The following FNDC3B variants were observed in gnomAD, a reference collection of about 807,000 sequenced individuals.
FNDC3B encodes fibronectin type III domain containing 3B, also known as fibronectin type III domain-containing protein 3B.
FNDC3B carries 12 observed loss-of-function variants against 151.5 expected under a neutral mutation model. The ratio of observed to expected loss-of-function variants is 0.08; its 90% confidence interval spans 0.05 to 0.13. The LOEUF is 0.13. Ranked by LOEUF, FNDC3B falls within the 10% of genes least tolerant of loss-of-function variation. FNDC3B has a pLI of 1.00. For missense variants in FNDC3B, 1,214 were observed against 1,505.3 expected, an observed-to-expected ratio of 0.81 and a Z score of 3.20; for synonymous variants, 528 against 549.0, an observed-to-expected ratio of 0.96 and a Z score of 0.54.
At chr3:172,120,538 A>T (rs1399735753) in intron 2 of FNDC3B, among the ~76,000 whole-genome samples, 2 of 151,590 alleles carry the variant, frequency 1.3e-5, no homozygotes, top group Non-Finnish European at 2.9e-5. Context: ...GGGCTTGAAA[A>T]GTAGCTTATT....
intron 7 of FNDC3B, 136 bp downstream of exon 7, chr3:172,286,120 G>A (rs1228453207): frequency 1.5e-6 from 1 of 648,758 alleles, no homozygotes; most frequent in Non-Finnish European, 2.7e-6. Flanking sequence ...CTATGAAATA[G>A]TGTTCGGTTC....
At chr3:172,225,259 G>A (rs959187626) in intron 3 of FNDC3B, among the ~76,000 whole-genome samples, 15 of 152,092 alleles carry the variant, frequency 9.9e-5, no homozygotes, top group Non-Finnish European at 2.1e-4. Flanking sequence ...CTGCAGCCTC[G>A]ACCTCCTGGG....
rs950955354 is a variant in FNDC3B at position 172,399,780 on chromosome 3, C to A, written c.*2305C>A. On this transcript the variant is annotated 3_prime_UTR_variant, in exon 26 of 26. Coordinates refer to ENST00000415807, the MANE Select transcript of FNDC3B (RefSeq NM_022763.4). ...CCCCCTCTTGGGGGGTTGGGGAAGT[C>A]TCTTTTTTGAAACACTTCAGAACTG... 3 of 152,608 alleles carry A rather than the reference C, an allele frequency of 2.0e-5. No individual in the cohort carries two copies. The highest frequency in any genetic ancestry group is 2.0e-4 in the Admixed American group (3 of 15,282). 9.5% of individuals were successfully genotyped at this position (152,608 alleles called of 1,614,324 possible). A position where few individuals can be genotyped will look rare whatever the true frequency, so the allele number is the denominator to read the frequency against.
At chr3:172,289,689 CTG>C (rs1730219936) in intron 7 of FNDC3B, among the ~76,000 whole-genome samples, 1 of 152,222 alleles carries the variant, frequency 6.6e-6, no homozygotes, top group Non-Finnish European at 1.5e-5. Context: ...TGCTGAATAA[CTG>C]TGTGGCTGTA....
Position 172,341,115 on chromosome 3 carries a change from A to C in FNDC3B, c.1855A>C (p.Asn619His). ...LEITDGNSEA[N>H]QWEVAYSGSA... is the part of the protein sequence containing the mutation. ...CATGCATAAGTCTTGTTTTACAGCG[A>C]ATCAGTGGGAAGTGGCCTACAGTGG... Residue 619 changes from asparagine to histidine, a missense_variant and splice_region_variant, in exon 17 of 26, where the codon AAT (asparagine) becomes CAT (histidine). Around this residue, in one of 7 missense-constraint regions of FNDC3B, gnomAD observed 380 missense variants for 420.9 expected, o/e 0.90. Coordinates refer to ENST00000415807, the MANE Select transcript of FNDC3B (RefSeq NM_022763.4). 6.2e-7 allele frequency: 1 copy of C among 1,609,708 alleles called. No homozygotes were observed. Among genetic ancestry groups the C allele is most frequent in the Non-Finnish European group, 8.5e-7 (1 of 1,175,936 alleles).
intron 23 of FNDC3B, among the ~76,000 whole-genome samples, chr3:172,364,299 G>GA (rs1295011711): frequency 3.9e-5 from 6 of 152,220 alleles, no homozygotes; most frequent in Admixed American, 3.9e-4. Flanking sequence ...AGCATTGGGG[G>GA]AAATTTTTAA....
chr3:172,385,304 C>T (rs774819767), intron 25 of FNDC3B, among the ~76,000 whole-genome samples: 1 of 152,194 alleles, frequency 6.6e-6, no homozygotes, highest in Non-Finnish European at 1.5e-5. Flanking sequence ...AGCGGAGCTA[C>T]AGGCTCACTG....
chr3:172,303,918 C>T (rs1477985881), intron 9 of FNDC3B, among the ~76,000 whole-genome samples: 1 of 152,156 alleles, frequency 6.6e-6, no homozygotes, highest in Admixed American at 6.5e-5. Context: ...GTACTATATG[C>T]AGCATACTTA....
chr3:172,125,605 A>G (rs1448146180), intron 2 of FNDC3B, among the ~76,000 whole-genome samples: 1 of 152,188 alleles, frequency 6.6e-6, no homozygotes, highest in East Asian at 1.9e-4. Context: ...ATCACCCTAG[A>G]TGCAGCTTTG....
At chr3:172,057,161 T>A (rs1035376534) in intron 1 of FNDC3B, among the ~76,000 whole-genome samples, 1 of 152,178 alleles carries the variant, frequency 6.6e-6, no homozygotes, top group Non-Finnish European at 1.5e-5. Context: ...CCATTCCTTC[T>A]CTCTTTTTGT....
At chr3:172,077,994 T>C (rs1433249107) in intron 1 of FNDC3B, among the ~76,000 whole-genome samples, 5 of 152,192 alleles carry the variant, frequency 3.3e-5, no homozygotes, top group East Asian at 1.9e-4. Flanking sequence ...ATTATTATTA[T>C]TTTTTGAGAT....
chr3:172,311,362 C>T (rs898662165), intron 11 of FNDC3B, among the ~76,000 whole-genome samples: 5 of 152,264 alleles, frequency 3.3e-5, no homozygotes, highest in Non-Finnish European at 1.5e-5. Flanking sequence ...TACCCATGTG[C>T]GAGTGCCCTG....
At chr3:172,219,199 A>G (rs1026344241) in intron 3 of FNDC3B, among the ~76,000 whole-genome samples, 2 of 152,188 alleles carry the variant, frequency 1.3e-5, no homozygotes, top group African/African-American at 4.8e-5. Flanking sequence ...AATCTTGTAA[A>G]ATTTAGACAG....
At chr3:172,373,183 G>A (rs985174443) in intron 23 of FNDC3B, among the ~76,000 whole-genome samples, 2 of 152,208 alleles carry the variant, frequency 1.3e-5, no homozygotes, top group African/African-American at 4.8e-5. Flanking sequence ...AGGGCTTAGT[G>A]AGAGTTTTTC....
chr3:172,347,163 A>T (rs1733651835), intron 20 of FNDC3B, 49 bp from the exon 21 acceptor site: 2 of 1,545,212 alleles, frequency 1.3e-6, no homozygotes, highest in African/African-American at 2.7e-5. Flanking sequence ...GCACAGTAGG[A>T]TTCTCTTCTC....
chr3:172,160,406 A>T (rs1026263636), intron 3 of FNDC3B, among the ~76,000 whole-genome samples: 1 of 152,172 alleles, frequency 6.6e-6, no homozygotes, highest in Admixed American at 6.5e-5. Context: ...CCAGCCTGCT[A>T]CTAGGACTGG....
intron 2 of FNDC3B, among the ~76,000 whole-genome samples, chr3:172,123,983 T>G (rs1023695715): frequency 6.6e-6 from 1 of 152,164 alleles, no homozygotes; most frequent in Admixed American, 6.5e-5. Context: ...CATAGATCGG[T>G]GTCCACATCC....
intron 10 of FNDC3B, among the ~76,000 whole-genome samples, chr3:172,308,489 C>A (rs1479874971): frequency 6.6e-6 from 1 of 152,138 alleles, no homozygotes; most frequent in Non-Finnish European, 1.5e-5. Context: ...CTAGGAAGAT[C>A]CATTATTAGT....
At chr3:172,272,356 C>T (rs1281276433) in intron 6 of FNDC3B, among the ~76,000 whole-genome samples, 1 of 152,068 alleles carries the variant, frequency 6.6e-6, no homozygotes, top group Non-Finnish European at 1.5e-5. Context: ...CGTTATGAAA[C>T]CAAGCCAGAA....
Sources: allele counts gnomAD v4.1 joint callset (sites outside exome capture counted in the v4.1 genomes callset), GRCh38; gene constraint gnomAD v4.1.1; regional missense constraint gnomAD v4.1.1; transcripts MANE v1.5; gene names NCBI Gene and HGNC (gene_info 2026-07-23, HGNC 2026-07-21).